Variants in ALCAM observed in about 807,000 individuals in gnomAD.
ALCAM encodes CD166 antigen.
ALCAM carries 30 observed loss-of-function variants against 70.9 expected under a neutral mutation model. The ratio of observed to expected loss-of-function variants is 0.42; its 90% CI spans 0.32 to 0.57. The LOEUF is 0.57. Ranked by LOEUF, ALCAM falls within the 20% of genes least tolerant of loss-of-function variation. The pLI is 0.11. For synonymous variants in ALCAM, 249 were observed against 242.5 expected, an observed-to-expected ratio of 1.03 and a Z score of -0.25; for missense variants, 591 against 695.1, an observed-to-expected ratio of 0.85 and a Z score of 1.68.
intron 1 of ALCAM, among the ~76,000 whole-genome samples, chr3:105,510,724 G>A (rs1939214568): frequency 6.6e-6 from 1 of 151,996 alleles, no homozygotes; most frequent in Non-Finnish European, 1.5e-5. Context: ...GTCTACAGGT[G>A]CCATTGACCT....
At chr3:105,544,378 TGAAACCC>T (rs562322392) in intron 8 of ALCAM, among the ~76,000 whole-genome samples, 1,811 of 151,700 alleles carry the variant, frequency 0.012, 47 homozygotes, top group African/African-American at 0.042. Flanking sequence ...ATTACTGCTT[TGAAACCC>T]AGTTTGGCTC....
chr3:105,409,451 C>G (rs1299049030), intron 1 of ALCAM, among the ~76,000 whole-genome samples: 1 of 151,940 alleles, frequency 6.6e-6, no homozygotes. Flanking sequence ...TTAAGTAACT[C>G]AAGAATGGAA....
chr3:105,459,127 A>C (rs1419823240), intron 1 of ALCAM, among the ~76,000 whole-genome samples: 1 of 152,078 alleles, frequency 6.6e-6, no homozygotes, highest in African/African-American at 2.4e-5. Context: ...CTATGAGTAC[A>C]TTTATTATCC....
At chr3:105,549,266 A>G (rs959275195) in intron 11 of ALCAM, among the ~76,000 whole-genome samples, 5 of 151,360 alleles carry the variant, frequency 3.3e-5, no homozygotes, top group East Asian at 1.9e-4. Flanking sequence ...TCTCAGATAC[A>G]TGGTGAATCT....
chr3:105,474,069 A>T (rs547893022), intron 1 of ALCAM, among the ~76,000 whole-genome samples: 2 of 151,798 alleles, frequency 1.3e-5, no homozygotes, highest in East Asian at 3.9e-4. Flanking sequence ...TACCACAGGT[A>T]GTAGCTAAAT....
chr3:105,486,889 C>T (rs1938443496), intron 1 of ALCAM, among the ~76,000 whole-genome samples: 1 of 152,000 alleles, frequency 6.6e-6, no homozygotes, highest in Admixed American at 6.6e-5. Context: ...AAAATAAATA[C>T]TTGCATTTAA....
chr3:105,567,369 C>T (rs10755065), intron 14 of ALCAM, among the ~76,000 whole-genome samples: 60,511 of 151,782 alleles, frequency 0.4, 12,954 homozygotes, highest in East Asian at 0.68. Flanking sequence ...ACTTCAAATA[C>T]ATGTATGTCA....
chr3:105,377,275 C>T (rs555128156), intron 1 of ALCAM, among the ~76,000 whole-genome samples: 3 of 152,148 alleles, frequency 2.0e-5, no homozygotes, highest in East Asian at 1.9e-4. Context: ...TCCAATCTTT[C>T]GTTATTACAA....
At chr3:105,501,976 T>A (rs1485829776) in intron 1 of ALCAM, among the ~76,000 whole-genome samples, 1 of 152,170 alleles carries the variant, frequency 6.6e-6, no homozygotes, top group Non-Finnish European at 1.5e-5. Context: ...AAAATCAAAG[T>A]TTGTTCAATG....
At position 105,494,178 on chromosome 3, in the gene ALCAM, A is replaced by T. The variant is rs558684206; in HGVS notation, c.74-25889A>T. Reference sequence around the variant, plus strand: ...AATCTCTGTGAGACATATGGGCCCAATGGGGGGGAAAAAGCTATTATATAC... The same window carrying T: ...AATCTCTGTGAGACATATGGGCCCATTGGGGGGGAAAAAGCTATTATATAC... On this transcript the variant is annotated intron_variant, in intron 1 of 15. Coordinates refer to ENST00000306107, the MANE Select transcript of ALCAM (RefSeq NM_001627.4). Among the ~76,000 whole-genome samples the T allele has an allele frequency of 1.2e-4, 18 of 152,252 alleles. No individual in the cohort carries two copies. In the South Asian group the frequency reaches 3.7e-3, roughly 31 times the overall value.
Position 105,491,453 on chromosome 3 carries a change from G to A in ALCAM, c.74-28614G>A, listed in dbSNP as rs143660425. ...AGAAAATGGGTTTTCCTTTTCTATCGCATCATCAGGCTGCAAATTTTTCAA... is the reference window on the plus strand; with the variant it reads ...AGAAAATGGGTTTTCCTTTTCTATCACATCATCAGGCTGCAAATTTTTCAA... On this transcript the variant is annotated intron_variant, in intron 1 of 15. Coordinates refer to ENST00000306107, the MANE Select transcript of ALCAM (RefSeq NM_001627.4). 1.8e-4 allele frequency among the ~76,000 whole-genome samples: 28 copies of A among 152,206 alleles called. No individual in the cohort carries two copies. The East Asian group carries it at 3.5e-3, about 19-fold the overall frequency.
At chr3:105,506,169 A>T (rs1939071630) in intron 1 of ALCAM, among the ~76,000 whole-genome samples, 1 of 152,242 alleles carries the variant, frequency 6.6e-6, no homozygotes, top group Admixed American at 6.5e-5. Context: ...ATGCCTGTTA[A>T]TTAAACATGT....
Position 105,471,734 on chromosome 3 carries a change from T to C in ALCAM, c.74-48333T>C, listed in dbSNP as rs150824886. On this transcript the variant is annotated intron_variant, in intron 1 of 15. Coordinates refer to ENST00000306107, the MANE Select transcript of ALCAM (RefSeq NM_001627.4). ...GATGTTTTGAAGTATATATGCATTG[T>C]GAAATGGTTAAATCTAGCTAATTAA... 5.2e-3 allele frequency among the ~76,000 whole-genome samples: 788 copies of C among 151,444 alleles called. 4 individuals carry two copies. Among genetic ancestry groups the C allele is most frequent in the African/African-American group, 0.017 (712 of 41,452 alleles).
chr3:105,488,682 G>A (rs1270343224), intron 1 of ALCAM, among the ~76,000 whole-genome samples: 1 of 149,528 alleles, frequency 6.7e-6, no homozygotes, highest in East Asian at 2.0e-4. Context: ...GGGAAGGGAA[G>A]GGGAAGGAAA....
chr3:105,452,130 T>C (rs886312168), intron 1 of ALCAM, among the ~76,000 whole-genome samples: 3 of 152,048 alleles, frequency 2.0e-5, no homozygotes, highest in African/African-American at 7.2e-5. Context: ...AAAGGATACA[T>C]GTGCAGAATG....
chr3:105,547,992 A>G (rs1222516563), intron 11 of ALCAM, among the ~76,000 whole-genome samples: 1 of 151,408 alleles, frequency 6.6e-6, no homozygotes, highest in Non-Finnish European at 1.5e-5. Flanking sequence ...GTGGAGAAGA[A>G]CACAGTTACT....
chr3:105,424,935 T>C (rs1288510012), intron 1 of ALCAM, among the ~76,000 whole-genome samples: 1 of 151,800 alleles, frequency 6.6e-6, no homozygotes, highest in African/African-American at 2.4e-5. Context: ...GCTATGTGTC[T>C]GCCCTTGTGT....
chr3:105,483,540 C>G (rs2152608288), intron 1 of ALCAM, among the ~76,000 whole-genome samples: 1 of 152,142 alleles, frequency 6.6e-6, no homozygotes, highest in Middle Eastern at 3.4e-3. Context: ...AATAAGAAAA[C>G]AATTAGTTCT....
At chr3:105,565,104 T>C (rs1940715073) in intron 14 of ALCAM, among the ~76,000 whole-genome samples, 1 of 152,120 alleles carries the variant, frequency 6.6e-6, no homozygotes, top group Non-Finnish European at 1.5e-5. Context: ...TGAGCTATAA[T>C]TGTACCACTG....
Sources: gnomAD v4.1 joint callset for allele counts (sites outside exome capture counted in the v4.1 genomes callset) on GRCh38, gnomAD v4.1.1 for gene constraint, MANE v1.5 for transcripts, NCBI Gene and HGNC (gene_info 2026-07-23, HGNC 2026-07-21) for gene names.